The following SPECC1 variants were observed in gnomAD, a reference collection of about 807,000 sequenced individuals.
The protein encoded by SPECC1 is cytospin-B.
In SPECC1, 62 loss-of-function variants were observed where a neutral mutation model predicts 104.1. The ratio of observed to expected loss-of-function variants is 0.60; its 90% CI spans 0.49 to 0.74. The LOEUF is 0.74. Among genes scored for constraint, SPECC1 ranks in the 30% least tolerant of loss-of-function variants. SPECC1 has a pLI of 0.00. For synonymous variants in SPECC1, 513 were observed against 501.6 expected, an observed-to-expected ratio of 1.02 and a Z score of -0.30; for missense variants, 1,306 against 1,310.5, an observed-to-expected ratio of 1.00 and a Z score of 0.05.
chr17:20,039,320 A>G (rs533239297), intron 1 of SPECC1, among the ~76,000 whole-genome samples: 4 of 152,150 alleles, frequency 2.6e-5, no homozygotes, highest in African/African-American at 7.2e-5. Context: ...TTTTTTGTCT[A>G]GTTGTTCTAT....
chr17:20,084,639 G>A (rs2047107978), intron 1 of SPECC1, among the ~76,000 whole-genome samples: 1 of 151,860 alleles, frequency 6.6e-6, no homozygotes, highest in African/African-American at 2.4e-5. Flanking sequence ...GGGTTTTTTT[G>A]TTTTTTTATC....
intron 1 of SPECC1, among the ~76,000 whole-genome samples, chr17:20,012,826 A>C (rs536421903): frequency 2.0e-5 from 3 of 152,128 alleles, no homozygotes; most frequent in African/African-American, 7.2e-5. Flanking sequence ...GAATTTTTTC[A>C]TCTTACAAAA....
chr17:20,084,324 G>A (rs998721278), intron 1 of SPECC1, among the ~76,000 whole-genome samples: 4 of 152,148 alleles, frequency 2.6e-5, no homozygotes, highest in Non-Finnish European at 5.9e-5. Flanking sequence ...AGCTACTCGG[G>A]AGGCTGAGGC....
At chr17:20,034,648 C>G (rs1460089216) in intron 1 of SPECC1, among the ~76,000 whole-genome samples, 3 of 148,388 alleles carry the variant, frequency 2.0e-5, no homozygotes, top group African/African-American at 7.5e-5. Flanking sequence ...TCTTGTTGCC[C>G]AGGCTGGAGT....
At chr17:20,074,443 ATC>A (rs1178275509) in intron 1 of SPECC1, among the ~76,000 whole-genome samples, 2 of 152,034 alleles carry the variant, frequency 1.3e-5, no homozygotes, top group Non-Finnish European at 2.9e-5. Context: ...ATACCTTAAA[ATC>A]TCTCTTACCC....
chr17:20,076,031 C>G (rs551025892), intron 1 of SPECC1, among the ~76,000 whole-genome samples: 4 of 152,182 alleles, frequency 2.6e-5, no homozygotes, highest in South Asian at 2.1e-4. Context: ...TCCAGAGGAT[C>G]ACTCGTACCT....
chr17:20,259,051 G>T (rs1242775750), intron 11 of SPECC1, among the ~76,000 whole-genome samples: 1 of 152,224 alleles, frequency 6.6e-6, no homozygotes, highest in Non-Finnish European at 1.5e-5. Context: ...TACAAAATTG[G>T]CTAGTTTAGG....
At chr17:20,238,111 G>T in intron 7 of SPECC1, 2 of 1,028,412 alleles carry the variant, frequency 1.9e-6, no homozygotes, top group Non-Finnish European at 2.3e-6. Flanking sequence ...GAAACAAGGT[G>T]CCTCCAAGCT....
chr17:20,129,669 ATTT>A (rs1329872625), intron 3 of SPECC1, among the ~76,000 whole-genome samples: 1 of 152,058 alleles, frequency 6.6e-6, no homozygotes, highest in East Asian at 1.9e-4. Context: ...CAACTTGCTA[ATTT>A]TCCCTTCTAT....
At chr17:20,016,741 C>A (rs1468912123) in intron 1 of SPECC1, among the ~76,000 whole-genome samples, 1 of 152,210 alleles carries the variant, frequency 6.6e-6, no homozygotes, top group East Asian at 1.9e-4. Context: ...GCCCGAGCCT[C>A]CCTGACAGCA....
intron 10 of SPECC1, among the ~76,000 whole-genome samples, chr17:20,255,473 C>T (rs2039791956): frequency 6.6e-6 from 1 of 152,190 alleles, no homozygotes; most frequent in South Asian, 2.1e-4. Context: ...CCTTATCAAC[C>T]ATTTTTAAGT....
chr17:20,048,203 G>A (rs2045611792), intron 1 of SPECC1, among the ~76,000 whole-genome samples: 1 of 149,288 alleles, frequency 6.7e-6, no homozygotes, highest in East Asian at 2.0e-4. Flanking sequence ...GCGTGATCTC[G>A]GCTCACTGCA....
chr17:20,294,376 C>G (rs1257974634), intron 12 of SPECC1, among the ~76,000 whole-genome samples: 1 of 152,200 alleles, frequency 6.6e-6, no homozygotes, highest in Non-Finnish European at 1.5e-5. Flanking sequence ...CCCATGCAGC[C>G]TCATGCTCCC....
intron 3 of SPECC1, among the ~76,000 whole-genome samples, chr17:20,174,470 G>T (rs184013008): frequency 6.6e-6 from 1 of 152,118 alleles, no homozygotes; most frequent in African/African-American, 2.4e-5. Context: ...CAATGAGGGG[G>T]TGAGGGAAGC....
At chr17:20,204,235 G>GCCACTGT in intron 3 of SPECC1, 98 bp from the exon 4 acceptor site, 1 of 1,396,370 alleles carries the variant, frequency 7.2e-7, no homozygotes, top group East Asian at 2.3e-5. Context: ...AAGAGCGACA[G>GCCACTGT]CCACTGTCCA....
At chr17:20,208,636 C>T (rs1311574470) in intron 4 of SPECC1, among the ~76,000 whole-genome samples, 1 of 152,248 alleles carries the variant, frequency 6.6e-6, no homozygotes, top group Admixed American at 6.5e-5. Flanking sequence ...GGGCAGGCCC[C>T]TTTACATTGT....
Position 20,288,149 on chromosome 17 carries a change from A to G in SPECC1, c.2941-8812A>G, listed in dbSNP as rs1468970412. Among the ~76,000 whole-genome samples, 5 of 152,294 alleles carry G rather than the reference A, an allele frequency of 3.3e-5. No homozygotes were observed. The East Asian group carries it at 9.6e-4, about 29-fold the overall frequency. ...TGATCTTGTTTTTTTATGGCTGCAT[A>G]GTATGGTGTATATGTACCACATTTT... On this transcript the variant is annotated intron_variant, in intron 12 of 14. Transcript: ENST00000395527.
chr17:20,177,675 T>C (rs1187779199), intron 3 of SPECC1, among the ~76,000 whole-genome samples: 2 of 152,214 alleles, frequency 1.3e-5, no homozygotes, highest in Non-Finnish European at 2.9e-5. Flanking sequence ...TATTTAATCC[T>C]TCATTGTTAG....
At chr17:20,283,100 C>G (rs1271445391) in intron 12 of SPECC1, among the ~76,000 whole-genome samples, 2 of 152,188 alleles carry the variant, frequency 1.3e-5, no homozygotes, top group Non-Finnish European at 2.9e-5. Flanking sequence ...GGGAGGATCA[C>G]TTGAGCACAG....
Sources: gnomAD v4.1 joint callset for allele counts (sites outside exome capture counted in the v4.1 genomes callset) on GRCh38, gnomAD v4.1.1 for gene constraint, MANE v1.5 for transcripts, NCBI Gene and HGNC (gene_info 2026-07-23, HGNC 2026-07-21) for gene names.